ZBTB20: variants seen among roughly 807,000 people sequenced by gnomAD.
ZBTB20 encodes zinc finger and BTB domain-containing protein 20.
A neutral mutation model predicts 56.9 loss-of-function variants in ZBTB20; 9 were observed. The ratio of observed to expected loss-of-function variants is 0.16; its 90% CI spans 0.10 to 0.28. The LOEUF (loss-of-function observed/expected upper bound fraction) is 0.28. Among genes scored for constraint, ZBTB20 ranks in the 10% least tolerant of loss-of-function variants. ZBTB20 has a pLI of 1.00. For synonymous variants in ZBTB20, 417 were observed against 420.7 expected (o/e 0.99, Z 0.11); for missense variants, 655 against 1,003.0 (o/e 0.65, Z 4.69).
intron 3 of ZBTB20, among the ~76,000 whole-genome samples, chr3:114,924,980 C>CTTTTTTTTTTTT (rs578028983): frequency 9.0e-5 from 9 of 99,884 alleles, no homozygotes; most frequent in Admixed American, 3.4e-4. Context: ...TTTGGTTCTT[C>CTTTTTTTTTTTT]TTTTTTTTTT....
chr3:114,736,563 T>G (rs979252949), intron 5 of ZBTB20, among the ~76,000 whole-genome samples: 1 of 152,188 alleles, frequency 6.6e-6, no homozygotes. Flanking sequence ...GCTTATGCTG[T>G]TTTCTTGTTC....
chr3:114,728,908 C>A (rs186008275), intron 5 of ZBTB20, among the ~76,000 whole-genome samples: 29 of 152,052 alleles, frequency 1.9e-4, no homozygotes, highest in African/African-American at 4.3e-4. Context: ...CTTTTCATGT[C>A]CTCAGGGGAG....
chr3:114,904,117 GTGTTTGTT>G (rs147801017), intron 3 of ZBTB20, among the ~76,000 whole-genome samples: 33 of 151,840 alleles, frequency 2.2e-4, no homozygotes, highest in East Asian at 3.9e-4. Flanking sequence ...ATACTATAGA[GTGTTTGTT>G]TGTTTGTTTG....
At chr3:114,959,885 G>C (rs571842188) in intron 3 of ZBTB20, among the ~76,000 whole-genome samples, 268 of 152,140 alleles carry the variant, frequency 1.8e-3, no homozygotes, top group African/African-American at 6.1e-3. Flanking sequence ...CATCAAATAG[G>C]TACCAATCAA....
At chr3:114,846,857 A>C (rs759715135) in intron 4 of ZBTB20, among the ~76,000 whole-genome samples, 15 of 152,322 alleles carry the variant, frequency 9.8e-5, no homozygotes, top group East Asian at 3.9e-4. Flanking sequence ...TGACTCCACC[A>C]TAAGTGTATT....
chr3:114,701,205 G>A (rs1217607831), intron 5 of ZBTB20, among the ~76,000 whole-genome samples: 2 of 152,148 alleles, frequency 1.3e-5, no homozygotes, highest in African/African-American at 4.8e-5. Context: ...CAGCAACACC[G>A]TGTTGAAAAA....
Position 114,331,548 on chromosome 3 carries a change from T to C in ZBTB20, c.*7457A>G, listed in dbSNP as rs989696906. 3 of 152,188 alleles carry C rather than the reference T, an allele frequency of 2.0e-5. No individual in the cohort carries two copies. Among genetic ancestry groups the C allele is most frequent in the African/African-American group, 7.2e-5 (3 of 41,446 alleles). 9.4% of individuals were successfully genotyped at this position (152,188 alleles called of 1,614,324 possible). ...TGCTTCCTTTGGGGGGCACACACAC[T>C]TCCAGATGACAATAAGTATATACAC... On this transcript the variant is annotated 3_prime_UTR_variant, in exon 12 of 12. Transcript: ENST00000675478.
intron 7 of ZBTB20, among the ~76,000 whole-genome samples, chr3:114,402,588 T>C (rs2086916470): frequency 6.6e-6 from 1 of 152,130 alleles, no homozygotes; most frequent in Non-Finnish European, 1.5e-5. Context: ...ACAGCAGGGA[T>C]CTTGACGACT....
chr3:114,346,493 A>C (rs1314075418), intron 11 of ZBTB20, among the ~76,000 whole-genome samples: 1 of 152,062 alleles, frequency 6.6e-6, no homozygotes, highest in Non-Finnish European at 1.5e-5. Flanking sequence ...ACACACAGGC[A>C]TTTAGAGGAA....
intron 7 of ZBTB20, among the ~76,000 whole-genome samples, chr3:114,489,925 T>C (rs73857615): frequency 2.0e-5 from 3 of 152,082 alleles, no homozygotes; most frequent in Non-Finnish European, 4.4e-5. Context: ...TTAAAATAAA[T>C]CTGAGTAAGG....
intron 6 of ZBTB20, among the ~76,000 whole-genome samples, chr3:114,623,426 G>T (rs1280579531): frequency 6.6e-6 from 1 of 152,018 alleles, no homozygotes; most frequent in Non-Finnish European, 1.5e-5. Context: ...GTTTTCCTGT[G>T]GCAGGATGAT....
At chr3:114,483,564 A>G (rs1442685294) in intron 7 of ZBTB20, among the ~76,000 whole-genome samples, 2 of 152,152 alleles carry the variant, frequency 1.3e-5, no homozygotes, top group Non-Finnish European at 2.9e-5. Context: ...CCTGAATCCA[A>G]TTCAATTATT....
intron 6 of ZBTB20, among the ~76,000 whole-genome samples, chr3:114,566,334 G>C (rs117153015): frequency 6.6e-6 from 1 of 152,148 alleles, no homozygotes; most frequent in Admixed American, 6.5e-5. Context: ...GTCACACAGC[G>C]AGGATAACAT....
chr3:114,666,946 A>G (rs2061090088), intron 6 of ZBTB20, among the ~76,000 whole-genome samples: 5 of 152,004 alleles, frequency 3.3e-5, no homozygotes, highest in Admixed American at 3.3e-4. Context: ...GCTGGACAAG[A>G]TTATTTTAAA....
chr3:114,891,231 G>A (rs907118085), intron 4 of ZBTB20, among the ~76,000 whole-genome samples: 4 of 152,156 alleles, frequency 2.6e-5, no homozygotes, highest in Non-Finnish European at 5.9e-5. Context: ...GACAGTGAAG[G>A]GGAGACAGGG....
chr3:114,865,462 G>T (rs986666210), intron 4 of ZBTB20, among the ~76,000 whole-genome samples: 1 of 151,990 alleles, frequency 6.6e-6, no homozygotes, highest in Non-Finnish European at 1.5e-5. Flanking sequence ...TATTAAACGG[G>T]CAAGATAGAG....
intron 3 of ZBTB20, among the ~76,000 whole-genome samples, chr3:114,929,970 T>G (rs771971937): frequency 6.6e-6 from 1 of 152,216 alleles, no homozygotes; most frequent in Non-Finnish European, 1.5e-5. Flanking sequence ...ACTCTAATCA[T>G]TTGAATATCA....
intron 3 of ZBTB20, among the ~76,000 whole-genome samples, chr3:114,969,240 G>C (rs1398587618): frequency 6.6e-6 from 1 of 152,080 alleles, no homozygotes; most frequent in East Asian, 1.9e-4. Context: ...TGGAAAGAAG[G>C]GGTTGACAGA....
intron 7 of ZBTB20, among the ~76,000 whole-genome samples, chr3:114,412,483 G>A (rs1559755580): frequency 2.6e-5 from 4 of 152,082 alleles, no homozygotes; most frequent in South Asian, 2.1e-4. Flanking sequence ...TGGGTGTATC[G>A]CTCACTCAAA....
Sources: gnomAD v4.1 joint callset for allele counts (sites outside exome capture counted in the v4.1 genomes callset) on GRCh38, gnomAD v4.1.1 for gene constraint, MANE v1.5 for transcripts, NCBI Gene and HGNC (gene_info 2026-07-23, HGNC 2026-07-21) for gene names.